MCCC2: variants seen among roughly 807,000 people sequenced by gnomAD.
MCCC2 encodes the protein methylcrotonyl-CoA carboxylase subunit 2, also known as methylcrotonoyl-CoA carboxylase beta chain, mitochondrial.
MCCC2 carries 52 observed loss-of-function variants against 77.2 expected under a neutral mutation model. The ratio of observed to expected loss-of-function variants is 0.67; its 90% confidence interval spans 0.54 to 0.85. The LOEUF is 0.85. Ranked by LOEUF, MCCC2 falls within the 40% of genes least tolerant of loss-of-function variation. The pLI is 0.00. For synonymous variants in MCCC2, 253 were observed against 248.4 expected, an observed-to-expected ratio of 1.02 and a Z score of -0.18; for missense variants, 682 against 703.2, an observed-to-expected ratio of 0.97 and a Z score of 0.34.
chr5:71,656,817 A>G lies in MCCC2; in HGVS notation c.1649A>G (p.Asn550Ser), dbSNP rs745984390. Residue 550 changes from asparagine (N) to serine (S), a missense_variant, in exon 17 of 17, where the codon AAC (asparagine) becomes AGC (serine). By Grantham distance (46) the Asn-to-Ser change is conservative (BLOSUM62 1). Transcript: ENST00000340941. ...VLGLSFSAAL[N>S]APIEKTDFGI... is the part of the protein sequence containing the mutation. ...GGTCTCAGTTTTAGTGCAGCCCTCA[A>G]CGCACCAATAGAGAAGACTGACTTC... 26 of 1,614,034 alleles carry G rather than the reference A, an allele frequency of 1.6e-5. No individual in the cohort carries two copies. The South Asian group carries it at 2.7e-4, about 17-fold the overall frequency.
At chr5:71,604,313 T>G in intron 5 of MCCC2, 43 bp from the exon 6 acceptor site, 1 of 1,512,516 alleles carries the variant, frequency 6.6e-7, no homozygotes, top group Non-Finnish European at 9.2e-7. Context: ...CGTAGCACAT[T>G]TAGTTCATAG....
intron 16 of MCCC2, among the ~76,000 whole-genome samples, chr5:71,653,330 A>G (rs1379282786): frequency 2.0e-5 from 3 of 150,830 alleles, no homozygotes; most frequent in African/African-American, 7.3e-5. Flanking sequence ...TTAATGAGGT[A>G]ATAAATTATC....
At position 71,649,184 on chromosome 5, in the gene MCCC2, C is replaced by CT. The variant is rs1209908165; in HGVS notation, c.1305dup (p.Lys436Ter). On this transcript the variant is annotated frameshift_variant, in exon 14 of 17. Coordinates refer to ENST00000340941, the MANE Select transcript of MCCC2 (RefSeq NM_022132.5). LOFTEE classifies it high-confidence loss of function. ...GCCGCTGTGGCCTGTGCCCAAGTGC[C>CT]TAAGATAACCCTCATCATTGGGGGC... The CT allele has an allele frequency of 6.2e-7, 1 of 1,614,084 alleles. No individual in the cohort carries two copies. The highest frequency in any genetic ancestry group is 1.3e-5 in the African/African-American group (1 of 74,942).
At chr5:71,640,075 A>G (rs1397517818) in intron 10 of MCCC2, among the ~76,000 whole-genome samples, 1 of 152,198 alleles carries the variant, frequency 6.6e-6, no homozygotes, top group African/African-American at 2.4e-5. Flanking sequence ...TCCTTACAGT[A>G]GTCCTGATAT....
At chr5:71,598,428 T>TTTAA (rs920139170) in intron 3 of MCCC2, among the ~76,000 whole-genome samples, 2 of 151,614 alleles carry the variant, frequency 1.3e-5, no homozygotes, top group African/African-American at 4.8e-5. Flanking sequence ...GGATTTTTAT[T>TTTAA]TTAATTAATT....
chr5:71,635,539 A>G, intron 10 of MCCC2: 1 of 419,602 alleles, frequency 2.4e-6, no homozygotes, highest in Non-Finnish European at 4.5e-6. Context: ...ATTATGAATG[A>G]TGTAAGGCAA....
intron 7 of MCCC2, among the ~76,000 whole-genome samples, chr5:71,630,578 T>TTTGTTA (rs1239376486): frequency 3.1e-4 from 47 of 152,298 alleles, no homozygotes; most frequent in African/African-American, 1.1e-3. Context: ...CCTCTTATAA[T>TTTGTTA]TTGTTATTGT....
At chr5:71,624,989 C>T (rs1393717343) in intron 6 of MCCC2, among the ~76,000 whole-genome samples, 1 of 152,068 alleles carries the variant, frequency 6.6e-6, no homozygotes, top group Non-Finnish European at 1.5e-5. Flanking sequence ...CCACTGTGCC[C>T]AGCCTGTCTA....
At chr5:71,594,277 C>T (rs200893546) in intron 2 of MCCC2, among the ~76,000 whole-genome samples, 2 of 152,104 alleles carry the variant, frequency 1.3e-5, no homozygotes, top group East Asian at 3.9e-4. Context: ...GCCTGTAATC[C>T]CAGCACTTTG....
Position 71,643,890 on chromosome 5 carries a change from A to C in MCCC2, c.1144A>C (p.Lys382Gln), listed in dbSNP as rs1160173664. 1 of 1,613,958 alleles carries C rather than the reference A, an allele frequency of 6.2e-7. No homozygotes were observed. Among genetic ancestry groups the C allele is most frequent in the African/African-American group, 1.3e-5 (1 of 74,928 alleles). The part of the protein sequence containing the change: ...NNGVLFSESA[K>Q]KGTHFVQLCC... ...CGGAGTTCTCTTTTCTGAATCTGCAAAAAAGGCAAGTACTGTTAAAAATAT... is the reference window on the plus strand; with the variant it reads ...CGGAGTTCTCTTTTCTGAATCTGCACAAAAGGCAAGTACTGTTAAAAATAT... The change falls in exon 12 of 17, where the codon AAA (lysine) becomes CAA (glutamine). Residue 382 changes from lysine to glutamine, a missense_variant. Coordinates refer to ENST00000340941, the MANE Select transcript of MCCC2 (RefSeq NM_022132.5).
chr5:71,640,817 A>C (rs1305732131), intron 10 of MCCC2, among the ~76,000 whole-genome samples, 186 bp from the exon 11 acceptor site: 2 of 152,238 alleles, frequency 1.3e-5, no homozygotes, highest in Non-Finnish European at 2.9e-5. Context: ...GTATAAAATC[A>C]GAACCCAGAA....
chr5:71,627,339 T>G (rs1746567862), intron 7 of MCCC2, among the ~76,000 whole-genome samples: 2 of 152,206 alleles, frequency 1.3e-5, no homozygotes, highest in African/African-American at 4.8e-5. Context: ...CTGCTTTTAT[T>G]TTTTTGGGTA....
intron 6 of MCCC2, among the ~76,000 whole-genome samples, chr5:71,618,915 A>G (rs1746272532): frequency 6.6e-6 from 1 of 152,106 alleles, no homozygotes; most frequent in Non-Finnish European, 1.5e-5. Flanking sequence ...GCTCTGGTGC[A>G]TTGGTTCTCT....
chr5:71,601,519 AC>A (rs1262851465), intron 4 of MCCC2, among the ~76,000 whole-genome samples: 6 of 152,174 alleles, frequency 3.9e-5, no homozygotes. Context: ...GTTTTATATG[AC>A]CTAGGGAATA....
chr5:71,637,805 G>A (rs998563384), intron 10 of MCCC2, among the ~76,000 whole-genome samples: 2 of 152,106 alleles, frequency 1.3e-5, no homozygotes, highest in African/African-American at 4.8e-5. Context: ...TGCAAGCTCA[G>A]CCTCCTGGGT....
intron 10 of MCCC2, chr5:71,635,455 C>A: frequency 3.1e-6 from 2 of 635,336 alleles, no homozygotes; most frequent in Non-Finnish European, 5.7e-6. Flanking sequence ...GAGTGGGGGA[C>A]CTCAATGATT....
Position 71,650,134 on chromosome 5 carries a change from A to T in MCCC2, c.1439A>T (p.Asn480Ile), listed in dbSNP as rs115328026. 9 of 1,614,198 alleles carry T rather than the reference A, an allele frequency of 5.6e-6. No individual in the cohort carries two copies. Among genetic ancestry groups the T allele is most frequent in the Non-Finnish European group, 7.6e-6 (9 of 1,180,010 alleles). ...GTGATGGGAGGAGAGCAGGCAGCCA[A>T]TGTGTTGGCCACGATAACAAAGGAC... is the stretch of plus-strand genomic sequence containing the variant. ...ISVMGGEQAA[N>I]VLATITKDQR... Residue 480 changes from asparagine (N) to isoleucine (I), a missense_variant, in exon 15 of 17, where the codon AAT (asparagine) becomes ATT (isoleucine). Asn to Ile is a moderately radical substitution (Grantham distance 149). Transcript: ENST00000340941.
chr5:71,615,335 A>G (rs978841173), intron 6 of MCCC2, among the ~76,000 whole-genome samples: 3 of 152,286 alleles, frequency 2.0e-5, no homozygotes, highest in East Asian at 3.9e-4. Flanking sequence ...TCCATGCCCT[A>G]CGAGAGTTTC....
chr5:71,649,213 T>G lies in MCCC2; in HGVS notation c.1333T>G (p.Tyr445Asp). ...GATAACCCTCATCATTGGGGGCTCCTATGGAGCCGGAAACTATGGGATGTG... is the reference window on the plus strand; with the variant it reads ...GATAACCCTCATCATTGGGGGCTCCGATGGAGCCGGAAACTATGGGATGTG... ...PKITLIIGGS[Y>D]GAGNYGMCGR... Residue 445 changes from tyrosine (Y) to aspartate (D), a missense_variant, in exon 14 of 17, where the codon TAT (tyrosine) becomes GAT (aspartate). Tyr to Asp is a radical substitution (Grantham distance 160). Transcript: ENST00000340941. 6.2e-7 allele frequency: 1 copy of G among 1,614,006 alleles called. No individual in the cohort carries two copies.
Sources: gnomAD v4.1 joint callset for allele counts (sites outside exome capture counted in the v4.1 genomes callset) on GRCh38, gnomAD v4.1.1 for gene constraint, MANE v1.5 for transcripts, NCBI Gene and HGNC (gene_info 2026-07-23, HGNC 2026-07-21) for gene names.